The following ZBTB20 variants were observed in gnomAD, a reference collection of about 807,000 sequenced individuals.
The protein encoded by ZBTB20 is zinc finger and BTB domain-containing protein 20.
Under a neutral mutation model 56.9 loss-of-function variants are expected in ZBTB20, and 9 were observed. The ratio of observed to expected loss-of-function variants is 0.16; its 90% CI spans 0.10 to 0.28. The LOEUF (loss-of-function observed/expected upper bound fraction) is 0.28, where lower values mean the gene tolerates loss of function less well. Ranked by LOEUF, ZBTB20 falls within the 10% of genes least tolerant of loss-of-function variation. The probability of loss-of-function intolerance (pLI) is 1.00; values close to 1 mark genes in which losing one functional copy is unlikely to be tolerated. For missense variants in ZBTB20, 655 were observed against 1,003.0 expected, an observed-to-expected ratio of 0.65 and a Z score of 4.69; for synonymous variants, 417 against 420.7, an observed-to-expected ratio of 0.99 and a Z score of 0.11.
intron 1 of ZBTB20, among the ~76,000 whole-genome samples, chr3:115,137,008 G>A (rs923578016): frequency 6.6e-6 from 1 of 151,990 alleles, no homozygotes; most frequent in Non-Finnish European, 1.5e-5. Context: ...ATGAACTTGA[G>A]GAGAAAGGTG....
rs2079325955 is a variant in ZBTB20 at position 114,333,216 on chromosome 3, C to A, written c.*5789G>T. 6.6e-6 allele frequency: 1 copy of A among 152,186 alleles called. No homozygotes were observed. The highest frequency in any genetic ancestry group is 1.9e-4 in the East Asian group (1 of 5,204). The allele number at this position is 152,186 out of a possible 1,614,324, so 9.4% of individuals were successfully genotyped here. ...TTATAGGAACACTGAGTCACCACAG[C>A]CTTTTTTCTTGTAAAGGTTTAAGTG... On this transcript the variant is annotated 3_prime_UTR_variant, in exon 12 of 12. Transcript: ENST00000675478.
At chr3:114,925,865 T>G (rs755107492) in intron 3 of ZBTB20, among the ~76,000 whole-genome samples, 74 of 152,192 alleles carry the variant, frequency 4.9e-4, no homozygotes, top group Non-Finnish European at 8.5e-4. Flanking sequence ...ATGTTAATTG[T>G]GGATACTCCA....
chr3:114,633,385 G>T (rs1249347579), intron 6 of ZBTB20, among the ~76,000 whole-genome samples: 2 of 152,164 alleles, frequency 1.3e-5, no homozygotes, highest in Admixed American at 1.3e-4. Flanking sequence ...ATTTCTTGCT[G>T]CATACATTCT....
intron 11 of ZBTB20, among the ~76,000 whole-genome samples, chr3:114,346,486 C>G (rs973486959): frequency 4.6e-5 from 7 of 151,944 alleles, no homozygotes; most frequent in Non-Finnish European, 8.8e-5. Flanking sequence ...TTGAAGGACA[C>G]ACAGGCATTT....
chr3:114,929,191 G>A (rs1324493730), intron 3 of ZBTB20, among the ~76,000 whole-genome samples: 6 of 152,248 alleles, frequency 3.9e-5, no homozygotes, highest in Non-Finnish European at 2.9e-5. Flanking sequence ...ACTGCAGGAG[G>A]TGGCCAACTA....
chr3:114,573,200 C>G (rs961374429), intron 6 of ZBTB20, among the ~76,000 whole-genome samples: 1 of 152,074 alleles, frequency 6.6e-6, no homozygotes. Flanking sequence ...TGGCTCACGC[C>G]TGTAATTCCA....
rs1184324876 is a variant in ZBTB20, at chr3:114,510,954, C to G, written c.-294-10563G>C. On this transcript the variant is annotated intron_variant, in intron 6 of 11. Coordinates refer to ENST00000675478, the MANE Select transcript of ZBTB20 (RefSeq NM_001348800.3). ...AGATTTATTTTTTCCAAAGGGAATG[C>G]CTTGAAAACTCTAAGATGATCACTG... Among the ~76,000 whole-genome samples, 4 of 151,524 alleles carry G rather than the reference C, an allele frequency of 2.6e-5. No homozygotes were observed. The South Asian group carries it at 8.3e-4, about 31-fold the overall frequency.
chr3:114,737,867 T>C (rs1385410685), intron 5 of ZBTB20, among the ~76,000 whole-genome samples: 1 of 152,212 alleles, frequency 6.6e-6, no homozygotes, highest in African/African-American at 2.4e-5. Context: ...ATTAAATGTA[T>C]ATTGTTTCAA....
intron 3 of ZBTB20, among the ~76,000 whole-genome samples, chr3:114,953,699 A>G (rs1013246676): frequency 7.2e-5 from 11 of 152,082 alleles, no homozygotes; most frequent in Non-Finnish European, 5.9e-5. Context: ...CAGAGCTTCA[A>G]AATACATGAA....
intron 6 of ZBTB20, among the ~76,000 whole-genome samples, chr3:114,575,088 T>C (rs1416983306): frequency 6.6e-6 from 1 of 152,176 alleles, no homozygotes; most frequent in Non-Finnish European, 1.5e-5. Flanking sequence ...CTACCCATGG[T>C]CATGGAGCCA....
chr3:114,835,172 C>G (rs1238958031), intron 4 of ZBTB20, among the ~76,000 whole-genome samples: 2 of 152,134 alleles, frequency 1.3e-5, no homozygotes, highest in Non-Finnish European at 2.9e-5. Flanking sequence ...TTTGTAAAGT[C>G]AATTTTCTCC....
chr3:114,365,480 G>A (rs1406577104), intron 10 of ZBTB20, among the ~76,000 whole-genome samples: 1 of 152,172 alleles, frequency 6.6e-6, no homozygotes, highest in Admixed American at 6.5e-5. Flanking sequence ...TGCCATTCCT[G>A]TAAGAGGAGC....
At chr3:114,766,276 C>T (rs11719781) in intron 5 of ZBTB20, among the ~76,000 whole-genome samples, 9,567 of 152,048 alleles carry the variant, frequency 0.063, 325 homozygotes, top group Middle Eastern at 0.13. Context: ...AGAGTGTTAT[C>T]AATCTGAAAT....
intron 6 of ZBTB20, among the ~76,000 whole-genome samples, chr3:114,574,708 T>C (rs6786773): frequency 0.094 from 14,270 of 152,210 alleles, 778 homozygotes; most frequent in African/African-American, 0.14. Flanking sequence ...CAGGTTTCTT[T>C]GATTCTGATT....
chr3:114,665,528 A>C (rs1201380064), intron 6 of ZBTB20, among the ~76,000 whole-genome samples: 3 of 152,008 alleles, frequency 2.0e-5, no homozygotes, highest in African/African-American at 7.2e-5. Context: ...TTTCAGGCAA[A>C]AAGGCCTTCA....
At chr3:114,699,177 C>G (rs1234112851) in intron 5 of ZBTB20, among the ~76,000 whole-genome samples, 2 of 151,992 alleles carry the variant, frequency 1.3e-5, no homozygotes, top group Non-Finnish European at 2.9e-5. Flanking sequence ...TTCCACCAGC[C>G]CTTTTGGGCT....
At chr3:114,464,963 CT>C (rs2092479265) in intron 7 of ZBTB20, among the ~76,000 whole-genome samples, 1 of 151,904 alleles carries the variant, frequency 6.6e-6, no homozygotes, top group African/African-American at 2.4e-5. Flanking sequence ...GTTCTCAAGA[CT>C]TTTTTTCCCC....
chr3:114,415,419 T>G (rs1206125477), intron 7 of ZBTB20, among the ~76,000 whole-genome samples: 1 of 152,064 alleles, frequency 6.6e-6, no homozygotes, highest in African/African-American at 2.4e-5. Flanking sequence ...TTTGATGTGT[T>G]GGGTGGTACA....
At chr3:114,534,515 C>A (rs761931046) in intron 6 of ZBTB20, among the ~76,000 whole-genome samples, 8 of 152,090 alleles carry the variant, frequency 5.3e-5, no homozygotes, top group Non-Finnish European at 1.0e-4. Flanking sequence ...TACAAAGAGA[C>A]TTTGACTCCC....
Sources: allele counts gnomAD v4.1 joint callset (sites outside exome capture counted in the v4.1 genomes callset), GRCh38; gene constraint gnomAD v4.1.1; transcripts MANE v1.5; gene names NCBI Gene and HGNC (gene_info 2026-07-23, HGNC 2026-07-21).